The following CD247 variants were observed in gnomAD, a reference collection of about 807,000 sequenced individuals.
CD247 encodes the protein CD247 molecule, also known as T-cell surface glycoprotein CD3 zeta chain.
CD247 carries 13 observed loss-of-function variants against 30.0 expected under a neutral mutation model. The observed-to-expected ratio is 0.43, with a 90% CI of 0.28 to 0.69. CD247 has a LOEUF of 0.69. Among genes scored for constraint, CD247 ranks in the 30% least tolerant of loss-of-function variants. CD247 has a pLI of 0.16. For synonymous variants in CD247, 72 were observed against 80.0 expected, an observed-to-expected ratio of 0.90 and a Z score of 0.53; for missense variants, 193 against 212.6, an observed-to-expected ratio of 0.91 and a Z score of 0.57.
At position 167,518,520 on chromosome 1, in the gene CD247, C is replaced by A; in HGVS notation, c.-55G>T. 2.0e-6 allele frequency: 3 copies of A among 1,516,188 alleles called. No individual in the cohort carries two copies. Among genetic ancestry groups the A allele is most frequent in the Non-Finnish European group, 2.7e-6 (3 of 1,093,388 alleles). The allele number at this position is 1,516,188 out of a possible 1,614,324, so 93.9% of individuals were successfully genotyped here. On this transcript the variant is annotated 5_prime_UTR_variant, in exon 1 of 8. Coordinates refer to ENST00000362089, the MANE Select transcript of CD247 (RefSeq NM_198053.3). ...AGGCAGAGGCTGAGGCAGCGGTGGC[C>A]GGGACGGTTAGGAGAAAAGGAGTCT...
At chr1:167,453,352 G>A (rs956447523) in intron 1 of CD247, among the ~76,000 whole-genome samples, 2 of 152,130 alleles carry the variant, frequency 1.3e-5, no homozygotes, top group Non-Finnish European at 2.9e-5. Flanking sequence ...GAGCCTGGAC[G>A]AGAAGCCAGG....
At chr1:167,438,457 C>T (rs994337336) in intron 4 of CD247, 113 bp downstream of exon 4, 40 of 856,284 alleles carry the variant, frequency 4.7e-5, no homozygotes, top group Non-Finnish European at 6.7e-5. Flanking sequence ...CCTGGGCCCA[C>T]ACATGTGAGG....
intron 1 of CD247, among the ~76,000 whole-genome samples, chr1:167,504,721 C>G (rs913500724): frequency 6.6e-6 from 1 of 152,194 alleles, no homozygotes; most frequent in Non-Finnish European, 1.5e-5. Context: ...ATCTGCCTCT[C>G]CTTGTCATTA....
chr1:167,515,998 A>G (rs1476047109), intron 1 of CD247, among the ~76,000 whole-genome samples: 1 of 152,216 alleles, frequency 6.6e-6, no homozygotes, highest in Non-Finnish European at 1.5e-5. Context: ...AGGCCCAGAG[A>G]GGTTAAGTAA....
chr1:167,431,295 T>C lies in CD247; in HGVS notation c.*386A>G. On this transcript the variant is annotated 3_prime_UTR_variant, in exon 8 of 8. Transcript: ENST00000362089. The stretch of plus-strand genomic sequence containing the variant: ...GGAGTGAAGCCACTCAGACACAGAG[T>C]GATACAGACATTAGGGCATGTGCTA... 1.8e-6 allele frequency: 1 copy of C among 561,420 alleles called. No individual in the cohort carries two copies. The highest frequency in any genetic ancestry group is 3.1e-6 in the Non-Finnish European group (1 of 318,270). The allele number at this position is 561,420 out of a possible 1,614,324, so 34.8% of individuals were successfully genotyped here.
At chr1:167,513,744 C>G (rs984437976) in intron 1 of CD247, among the ~76,000 whole-genome samples, 2 of 152,146 alleles carry the variant, frequency 1.3e-5, no homozygotes, top group Non-Finnish European at 2.9e-5. Flanking sequence ...AAAAAATGAG[C>G]ATATTTCTTT....
At chr1:167,495,577 A>G (rs1467207409) in intron 1 of CD247, among the ~76,000 whole-genome samples, 1 of 152,162 alleles carries the variant, frequency 6.6e-6, no homozygotes, top group African/African-American at 2.4e-5. Context: ...GCCAAAACAT[A>G]TAATCATGTA....
In CD247 at chr1:167,472,544, C is replaced by CT. The variant is rs888087154; in HGVS notation, c.59-31778dup. Among the ~76,000 whole-genome samples the CT allele has an allele frequency of 5.3e-5, 8 of 151,084 alleles. No individual in the cohort carries two copies. In the East Asian group the frequency reaches 7.7e-4, roughly 15 times the overall value. ...TACAATTAAGAAAGCAAAATGTGGA[C>CT]TTTTTTTTTCAAGGGGACAGTAACA... On this transcript the variant is annotated intron_variant, in intron 1 of 7. Coordinates refer to ENST00000362089, the MANE Select transcript of CD247 (RefSeq NM_198053.3).
chr1:167,470,996 C>T (rs968997752), intron 1 of CD247, among the ~76,000 whole-genome samples: 20 of 151,804 alleles, frequency 1.3e-4, no homozygotes, highest in African/African-American at 4.6e-4. Flanking sequence ...CTCAGCTTCC[C>T]GAGTAGCTGG....
In CD247 at chr1:167,439,353, C is replaced by T. The variant is rs910110491; in HGVS notation, c.210G>A (p.Gln70=). 6.2e-7 allele frequency: 1 copy of T among 1,614,140 alleles called. No homozygotes were observed. Among genetic ancestry groups the T allele is most frequent in the Non-Finnish European group, 8.5e-7 (1 of 1,179,964 alleles). Residue 70 remains glutamine, a synonymous_variant, in exon 3 of 8, where the codon CAG becomes CAA. Transcript: ENST00000362089. The part of the protein sequence containing the change: ...DAPAYQQGQN[Q]LYNELNLGRR... ...GGCGAGGCTGACTTACGTTATAGAG[C>T]TGGTTCTGGCCCTGCTGGTACGCGG...
At chr1:167,433,965 G>A (rs946721668) in intron 6 of CD247, 55 bp downstream of exon 6, 46 of 1,436,492 alleles carry the variant, frequency 3.2e-5, no homozygotes, top group Admixed American at 8.4e-5. Context: ...TGCAGCAGGC[G>A]TGTCTGGAGG....
At chr1:167,435,653 G>A (rs756388364) in intron 4 of CD247, among the ~76,000 whole-genome samples, 1 of 152,222 alleles carries the variant, frequency 6.6e-6, no homozygotes, top group Non-Finnish European at 1.5e-5. Context: ...TACACACTTC[G>A]CTCTTCCAGA....
intron 1 of CD247, among the ~76,000 whole-genome samples, chr1:167,517,283 A>T (rs734173): frequency 2.0e-5 from 3 of 152,162 alleles, no homozygotes; most frequent in African/African-American, 7.2e-5. Context: ...AGAAGTGCCC[A>T]TGGCCTCTCC....
chr1:167,510,490 C>A (rs893027194), intron 1 of CD247, among the ~76,000 whole-genome samples: 1 of 152,214 alleles, frequency 6.6e-6, no homozygotes, highest in East Asian at 1.9e-4. Flanking sequence ...TCACCTGGCT[C>A]AGCTGCCTTC....
chr1:167,504,684 T>C (rs979779858), intron 1 of CD247, among the ~76,000 whole-genome samples: 6 of 152,324 alleles, frequency 3.9e-5, no homozygotes, highest in Middle Eastern at 3.4e-3. Flanking sequence ...AGAGATGCCA[T>C]TGATTTATTG....
chr1:167,467,316 C>A (rs984752852), intron 1 of CD247, among the ~76,000 whole-genome samples: 1 of 152,236 alleles, frequency 6.6e-6, no homozygotes, highest in Non-Finnish European at 1.5e-5. Context: ...GCCCTTCATG[C>A]AAACGCAGAG....
At chr1:167,518,275 G>T (rs546549562) in intron 1 of CD247, 133 bp downstream of exon 1, 1 of 823,972 alleles carries the variant, frequency 1.2e-6, no homozygotes, top group African/African-American at 1.7e-5. Context: ...CTGCTCACTT[G>T]CCCATTGATT....
intron 1 of CD247, among the ~76,000 whole-genome samples, chr1:167,455,021 G>C (rs1275686727): frequency 6.6e-6 from 1 of 152,198 alleles, no homozygotes; most frequent in African/African-American, 2.4e-5. Flanking sequence ...TCCCCGAGCC[G>C]GGGCCAGGCC....
intron 1 of CD247, among the ~76,000 whole-genome samples, chr1:167,477,280 A>G (rs545555108): frequency 6.0e-4 from 92 of 152,352 alleles, no homozygotes; most frequent in African/African-American, 2.2e-3. Flanking sequence ...GGAAGACGTT[A>G]AGAACAAAGC....
Sources: gnomAD v4.1 joint callset for allele counts (sites outside exome capture counted in the v4.1 genomes callset) on GRCh38, gnomAD v4.1.1 for gene constraint, MANE v1.5 for transcripts, NCBI Gene and HGNC (gene_info 2026-07-23, HGNC 2026-07-21) for gene names.